Variants in PRKAR1B observed in about 807,000 individuals in gnomAD.
PRKAR1B encodes the protein protein kinase cAMP-dependent type I regulatory subunit beta, also known as cAMP-dependent protein kinase type I-beta regulatory subunit.
PRKAR1B carries 22 observed loss-of-function variants against 46.5 expected under a neutral mutation model. The ratio of observed to expected loss-of-function variants is 0.47; its 90% CI spans 0.34 to 0.68. PRKAR1B has a LOEUF of 0.68. Among genes scored for constraint, PRKAR1B ranks in the 30% least tolerant of loss-of-function variants. The pLI is 0.01. For missense variants in PRKAR1B, 445 were observed against 535.6 expected (o/e 0.83, Z 1.67); for synonymous variants, 259 against 217.7 (o/e 1.19, Z -1.67).
At chr7:718,288 A>G (rs1780951251) in intron 1 of PRKAR1B, among the ~76,000 whole-genome samples, 1 of 148,876 alleles carries the variant, frequency 6.7e-6, no homozygotes, top group African/African-American at 2.5e-5. Context: ...ACACACACAC[A>G]CACACACATA....
At position 551,423 on chromosome 7, in the gene PRKAR1B, CA is replaced by C; in HGVS notation, c.938del (p.Val313GlyfsTer19). 6.4e-7 allele frequency: 1 copy of C among 1,560,698 alleles called. No homozygotes were observed. Reference protein sequence around the residue: ...LQRRSPNEEYVEVGRLGPSDY... With the variant: ...LQRRSPNEEYXEVGRLGPSDY... ...CAGAGGGTCCCAGGCGCCCCACCTC[CA>C]CGTACTCCTCATTGGGGGACCGGCG... On this transcript the variant is annotated frameshift_variant, in exon 10 of 11. Coordinates refer to ENST00000537384, the MANE Select transcript of PRKAR1B (RefSeq NM_001164760.2). LOFTEE classifies it high-confidence loss of function.
At position 626,338 on chromosome 7, in the gene PRKAR1B, T is replaced by A. The variant is rs202051600; in HGVS notation, c.441-18886A>T. 4.1e-3 allele frequency among the ~76,000 whole-genome samples: 625 copies of A among 152,060 alleles called. 17 individuals carry two copies. The highest frequency in any genetic ancestry group is 0.032 in the Admixed American group (493 of 15,262). On this transcript the variant is annotated intron_variant, in intron 4 of 10. Coordinates refer to ENST00000537384, the MANE Select transcript of PRKAR1B (RefSeq NM_001164760.2). The stretch of plus-strand genomic sequence containing the variant: ...AATACCTCATCTCTACTAAAAATTT[T>A]AAAAAAATTAATCAGGCCTGGTGGT...
chr7:629,086 A>G (rs9800958), intron 4 of PRKAR1B, among the ~76,000 whole-genome samples: 114,898 of 152,224 alleles, frequency 0.75, 43,866 homozygotes, highest in South Asian at 0.9. Flanking sequence ...GAAGATGAGA[A>G]GCCCTGGAGA....
chr7:607,166 G>A (rs1366104128), intron 5 of PRKAR1B, among the ~76,000 whole-genome samples: 6 of 152,140 alleles, frequency 3.9e-5, no homozygotes, highest in African/African-American at 1.4e-4. Flanking sequence ...ACCACACCCA[G>A]CTAATTTTTA....
intron 4 of PRKAR1B, among the ~76,000 whole-genome samples, chr7:663,336 C>A (rs1442398152): frequency 1.3e-5 from 2 of 152,280 alleles, no homozygotes; most frequent in East Asian, 3.9e-4. Context: ...TCAAGCAATC[C>A]TCCCACCTCA....
intron 2 of PRKAR1B, among the ~76,000 whole-genome samples, chr7:704,559 T>C (rs1780217724): frequency 6.6e-6 from 1 of 152,060 alleles, no homozygotes; most frequent in Non-Finnish European, 1.5e-5. Flanking sequence ...GTGGATCACT[T>C]GAGGTCAGGA....
chr7:616,380 G>A (rs552525002), intron 4 of PRKAR1B, among the ~76,000 whole-genome samples: 3 of 152,304 alleles, frequency 2.0e-5, no homozygotes, highest in South Asian at 4.2e-4. Flanking sequence ...CTGGCCAAAC[G>A]CAGCCACCAC....
chr7:598,206 C>G (rs1239844489), intron 6 of PRKAR1B, among the ~76,000 whole-genome samples: 1 of 150,854 alleles, frequency 6.6e-6, no homozygotes, highest in Non-Finnish European at 1.5e-5. Context: ...ACCCTCCGCA[C>G]TAAACACCAT....
chr7:579,466 G>T (rs1780058561), intron 8 of PRKAR1B, 89 bp from the exon 9 acceptor site: 8 of 1,544,382 alleles, frequency 5.2e-6, no homozygotes, highest in East Asian at 2.3e-5. Flanking sequence ...TTCCCGAAAG[G>T]TGTCCTCAGA....
In PRKAR1B at chr7:582,600, T is replaced by C. The variant is rs537833358; in HGVS notation, c.769+1908A>G. Among the ~76,000 whole-genome samples the C allele has an allele frequency of 2.6e-5, 4 of 152,310 alleles. No homozygotes were observed. The East Asian group carries it at 7.7e-4, about 29-fold the overall frequency. On this transcript the variant is annotated intron_variant, in intron 8 of 10. Transcript: ENST00000537384. ...CGCGGCCAGGGCGTGCGACGGCCCC[T>C]AAGAGCCCGGGACGCAGGAAGCAAG...
chr7:615,940 GAGAA>G (rs1267774048), intron 4 of PRKAR1B, among the ~76,000 whole-genome samples: 3 of 150,960 alleles, frequency 2.0e-5, no homozygotes, highest in African/African-American at 4.9e-5. Context: ...GAAAGAGGCA[GAGAA>G]AGAAAGAAAA....
At chr7:682,697 C>CA (rs1184368758) in intron 2 of PRKAR1B, among the ~76,000 whole-genome samples, 10 of 151,312 alleles carry the variant, frequency 6.6e-5, no homozygotes, top group Non-Finnish European at 1.5e-4. Context: ...GAGCCGAGAT[C>CA]GTGCCACTGC....
chr7:625,710 T>C (rs970485109), intron 4 of PRKAR1B, among the ~76,000 whole-genome samples: 1 of 152,108 alleles, frequency 6.6e-6, no homozygotes, highest in African/African-American at 2.4e-5. Flanking sequence ...AATAATATTA[T>C]GAAAAACTCT....
At chr7:605,178 G>A (rs767457425) in intron 6 of PRKAR1B, among the ~76,000 whole-genome samples, 3 of 152,244 alleles carry the variant, frequency 2.0e-5, no homozygotes, top group Non-Finnish European at 4.4e-5. Context: ...CAAGGCCCTG[G>A]GGCCGCCAGT....
intron 4 of PRKAR1B, among the ~76,000 whole-genome samples, chr7:618,487 C>A (rs1782951367): frequency 2.0e-5 from 3 of 152,142 alleles, no homozygotes; most frequent in African/African-American, 7.2e-5. Flanking sequence ...GAATCTTAAG[C>A]TATGTGCATT....
chr7:628,437 ATCTT>A (rs1344544524), intron 4 of PRKAR1B, among the ~76,000 whole-genome samples: 14 of 152,244 alleles, frequency 9.2e-5, no homozygotes, highest in African/African-American at 3.4e-4. Context: ...GGGATGCAGG[ATCTT>A]TCTTCTCCAA....
At position 582,671 on chromosome 7, in the gene PRKAR1B, G is replaced by A. The variant is rs958444823; in HGVS notation, c.769+1837C>T. On this transcript the variant is annotated intron_variant, in intron 8 of 10. Coordinates refer to ENST00000537384, the MANE Select transcript of PRKAR1B (RefSeq NM_001164760.2). ...GTCACCAGCCCTCGCCCGGAGCAGG[G>A]AGAGGGTCTCGCCCTTCATGGCCTG... Among the ~76,000 whole-genome samples the A allele has an allele frequency of 1.2e-4, 18 of 152,340 alleles. No homozygotes were observed. The Middle Eastern group carries it at 0.01, about 86-fold the overall frequency.
At chr7:600,122 G>A (rs567621817) in intron 6 of PRKAR1B, among the ~76,000 whole-genome samples, 1 of 152,364 alleles carries the variant, frequency 6.6e-6, no homozygotes, top group Non-Finnish European at 1.5e-5. Context: ...AATGGACAGT[G>A]GTGACGGTTG....
At chr7:717,463 T>C (rs1780921564) in intron 1 of PRKAR1B, among the ~76,000 whole-genome samples, 1 of 151,664 alleles carries the variant, frequency 6.6e-6, no homozygotes, top group East Asian at 1.9e-4. Context: ...TCAAGACCCA[T>C]CTGGGCAACA....
Sources: allele counts gnomAD v4.1 joint callset (sites outside exome capture counted in the v4.1 genomes callset), GRCh38; gene constraint gnomAD v4.1.1; transcripts MANE v1.5; gene names NCBI Gene and HGNC (gene_info 2026-07-23, HGNC 2026-07-21).